Variants in SNX10 observed in about 807,000 individuals in gnomAD.
The protein encoded by SNX10 is sorting nexin 10, also known as sorting nexin-10.
A neutral mutation model predicts 28.5 loss-of-function variants in SNX10; 25 were observed. That is an observed-to-expected ratio of 0.88 (90% CI 0.64 to 1.22). The LOEUF (loss-of-function observed/expected upper bound fraction) is 1.22. Among genes scored for constraint, SNX10 ranks in the 50% most tolerant of loss-of-function variants. The pLI is 0.00. For synonymous variants in SNX10, 62 were observed against 81.4 expected (o/e 0.76, Z 1.28); for missense variants, 223 against 242.6 (o/e 0.92, Z 0.54).
rs541846047 is a variant in SNX10, at chr7:26,331,111, A to G, written c.-23-15309A>G. Among the ~76,000 whole-genome samples the G allele has an allele frequency of 5.3e-5, 8 of 151,894 alleles. No individual in the cohort carries two copies. The East Asian group carries it at 1.5e-3, about 29-fold the overall frequency. On this transcript the variant is annotated intron_variant, in intron 1 of 6. Transcript: ENST00000338523. ...GGCTGCAGTGAGCTGTGATCACACC[A>G]CTGCACTCCAGCCTGGGTGGCAGAG... is the stretch of plus-strand genomic sequence containing the variant.
At chr7:26,298,235 A>G (rs535488302) in intron 1 of SNX10, among the ~76,000 whole-genome samples, 10 of 152,358 alleles carry the variant, frequency 6.6e-5, no homozygotes, top group African/African-American at 2.4e-4. Flanking sequence ...AAAAGGGCAG[A>G]TGACAAAGGA....
At chr7:26,334,565 A>G (rs1225563764) in intron 1 of SNX10, among the ~76,000 whole-genome samples, 3 of 152,208 alleles carry the variant, frequency 2.0e-5, no homozygotes, top group African/African-American at 7.2e-5. Flanking sequence ...AAAATTCTGT[A>G]ATTTTTTTTG....
At chr7:26,335,981 T>G (rs143765653) in intron 1 of SNX10, among the ~76,000 whole-genome samples, 25,913 of 151,862 alleles carry the variant, frequency 0.17, 2,562 homozygotes, top group South Asian at 0.41. Context: ...TCCGCCCGCC[T>G]CGGCCTCCCA....
At chr7:26,332,530 C>G (rs997092328) in intron 1 of SNX10, among the ~76,000 whole-genome samples, 2 of 152,120 alleles carry the variant, frequency 1.3e-5, no homozygotes, top group African/African-American at 2.4e-5. Context: ...TGTGGGTTGT[C>G]TCTGATGGTG....
chr7:26,318,710 A>C (rs1334485703), intron 1 of SNX10, among the ~76,000 whole-genome samples: 2 of 152,134 alleles, frequency 1.3e-5, no homozygotes, highest in Non-Finnish European at 2.9e-5. Flanking sequence ...GACTCAAGTG[A>C]TCTGTTTGCC....
intron 1 of SNX10, among the ~76,000 whole-genome samples, chr7:26,319,238 C>A (rs1241670560): frequency 6.6e-6 from 1 of 152,164 alleles, no homozygotes; most frequent in East Asian, 1.9e-4. Context: ...TCTTTCTAGG[C>A]TATTATCTCC....
chr7:26,334,149 T>G (rs989935646), intron 1 of SNX10, among the ~76,000 whole-genome samples: 1 of 152,212 alleles, frequency 6.6e-6, no homozygotes, highest in Non-Finnish European at 1.5e-5. Flanking sequence ...TGGCCTGGGA[T>G]GTCAAGGTAG....
At chr7:26,355,053 T>TGGAA (rs1452071257) in intron 2 of SNX10, among the ~76,000 whole-genome samples, 3 of 152,234 alleles carry the variant, frequency 2.0e-5, no homozygotes, top group Non-Finnish European at 4.4e-5. Flanking sequence ...TCTTGGCCTG[T>TGGAA]GGATGTCCAG....
chr7:26,292,591 AT>A (rs1340672590), intron 1 of SNX10, among the ~76,000 whole-genome samples: 2 of 152,120 alleles, frequency 1.3e-5, no homozygotes, highest in African/African-American at 4.8e-5. Flanking sequence ...TAATTGACTG[AT>A]TATCAGATTT....
intron 1 of SNX10, among the ~76,000 whole-genome samples, chr7:26,322,164 AG>A (rs1442181826): frequency 3.3e-5 from 5 of 152,346 alleles, no homozygotes; most frequent in African/African-American, 1.2e-4. Context: ...CTAAGGGCCC[AG>A]GAAAACCCTT....
chr7:26,331,983 T>G (rs188017544), intron 1 of SNX10, among the ~76,000 whole-genome samples: 2 of 152,246 alleles, frequency 1.3e-5, no homozygotes, highest in Non-Finnish European at 2.9e-5. Context: ...TGAGTAGATA[T>G]ACCGCATTTT....
At chr7:26,367,252 C>T (rs148675052) in intron 5 of SNX10, among the ~76,000 whole-genome samples, 8 of 152,268 alleles carry the variant, frequency 5.3e-5, no homozygotes, top group East Asian at 1.9e-4. Flanking sequence ...CTGCGTGCCA[C>T]GGACATAGGA....
At position 26,363,270 on chromosome 7, in the gene SNX10, C is replaced by G. The variant is rs537502489; in HGVS notation, c.112-1265C>G. On this transcript the variant is annotated intron_variant, in intron 3 of 6. Coordinates refer to ENST00000338523, the MANE Select transcript of SNX10 (RefSeq NM_013322.3). ...CTTGGGGATAAGCCTTTTAACCTGT[C>G]TACATTCTGAAGTTTTCTGAACTTT... Among the ~76,000 whole-genome samples the G allele has an allele frequency of 3.0e-3, 462 of 152,250 alleles. 2 individuals are homozygous for G. Among genetic ancestry groups the G allele is most frequent in the Non-Finnish European group, 4.5e-3 (309 of 68,022 alleles).
chr7:26,367,607 C>T (rs1789347479), intron 5 of SNX10, among the ~76,000 whole-genome samples: 1 of 152,184 alleles, frequency 6.6e-6, no homozygotes, highest in Non-Finnish European at 1.5e-5. Flanking sequence ...CTTCTGTGTC[C>T]CTCAGATCTG....
intron 6 of SNX10, 104 bp downstream of exon 6, chr7:26,372,137 TATA>T (rs1789576052): frequency 3.9e-6 from 3 of 764,814 alleles, no homozygotes; most frequent in South Asian, 3.7e-5. Context: ...TTTTTGTTGA[TATA>T]ATACTAAGAT....
chr7:26,337,067 A>G (rs1323636073), intron 1 of SNX10, among the ~76,000 whole-genome samples: 1 of 152,180 alleles, frequency 6.6e-6, no homozygotes, highest in African/African-American at 2.4e-5. Flanking sequence ...ATTCCTACCA[A>G]CAGTATTTAG....
intron 2 of SNX10, among the ~76,000 whole-genome samples, chr7:26,357,941 T>C (rs1373282355): frequency 6.6e-6 from 1 of 151,844 alleles, no homozygotes; most frequent in African/African-American, 2.4e-5. Flanking sequence ...GAGCTTTGGG[T>C]GGGGTCCATC....
chr7:26,365,154 C>A lies in SNX10; in HGVS notation c.311+9C>A, dbSNP rs779339092. 3 of 1,565,414 alleles carry A rather than the reference C, an allele frequency of 1.9e-6. No individual in the cohort carries two copies. The highest frequency in any genetic ancestry group is 2.6e-6 in the Non-Finnish European group (3 of 1,135,748). On this transcript the variant is annotated intron_variant, in intron 5 of 6. Transcript: ENST00000338523. ...GAAGATTTCCTCAGAAAGTGAGTGT[C>A]CAGAAACTTTTGTGGCCAGACAAGG... is the stretch of plus-strand genomic sequence containing the variant.
chr7:26,310,190 C>T (rs946106776), intron 1 of SNX10, among the ~76,000 whole-genome samples: 1 of 152,182 alleles, frequency 6.6e-6, no homozygotes, highest in Non-Finnish European at 1.5e-5. Flanking sequence ...GCCCGAGAGG[C>T]GGGCGACTGT....
Sources: gnomAD v4.1 joint callset for allele counts (sites outside exome capture counted in the v4.1 genomes callset) on GRCh38, gnomAD v4.1.1 for gene constraint, MANE v1.5 for transcripts, NCBI Gene and HGNC (gene_info 2026-07-23, HGNC 2026-07-21) for gene names.